PIP5K1A: variants seen among roughly 807,000 people sequenced by gnomAD.
PIP5K1A encodes the protein phosphatidylinositol 4-phosphate 5-kinase type-1 alpha.
Under a neutral mutation model 72.9 loss-of-function variants are expected in PIP5K1A, and 46 were observed. The ratio of observed to expected loss-of-function variants is 0.63; its 90% CI spans 0.50 to 0.81. The LOEUF is 0.81. Ranked by LOEUF, PIP5K1A falls within the 30% of genes least tolerant of loss-of-function variation. The pLI, the probability that PIP5K1A is intolerant of heterozygous loss-of-function variation, is 0.00. For synonymous variants in PIP5K1A, 228 were observed against 255.1 expected (o/e 0.89, Z 1.01); for missense variants, 458 against 706.1 (o/e 0.65, Z 3.98).
chr1:151,232,411 A>G, intron 6 of PIP5K1A, 46 bp downstream of exon 6: 1 of 1,505,260 alleles, frequency 6.6e-7, no homozygotes, highest in Non-Finnish European at 9.3e-7. Context: ...TATCAGAGGG[A>G]TATTCCCAAA....
At chr1:151,212,122 A>G (rs1254230979) in intron 1 of PIP5K1A, among the ~76,000 whole-genome samples, 1 of 152,098 alleles carries the variant, frequency 6.6e-6, no homozygotes, top group East Asian at 1.9e-4. Flanking sequence ...AAAAAAAAAA[A>G]AAGATTTTGT....
At chr1:151,210,821 A>G (rs893867868) in intron 1 of PIP5K1A, among the ~76,000 whole-genome samples, 11 of 152,050 alleles carry the variant, frequency 7.2e-5, no homozygotes, top group African/African-American at 2.4e-4. Context: ...TCCTGACCTC[A>G]GGTGATCTAC....
chr1:151,199,125 C>T (rs762201943), intron 1 of PIP5K1A, 44 bp downstream of exon 1: 158 of 1,612,916 alleles, frequency 9.8e-5, no homozygotes, highest in Non-Finnish European at 1.3e-4. Context: ...GAGGAATATG[C>T]GATGGGAGGA....
At chr1:151,234,888 G>A (rs991175349) in intron 8 of PIP5K1A, among the ~76,000 whole-genome samples, 1 of 152,058 alleles carries the variant, frequency 6.6e-6, no homozygotes, top group African/African-American at 2.4e-5. Flanking sequence ...ACCCCACTTG[G>A]GCTTTCAATA....
chr1:151,246,510 T>C (rs587691483), intron 14 of PIP5K1A, among the ~76,000 whole-genome samples: 1 of 152,242 alleles, frequency 6.6e-6, no homozygotes, highest in Admixed American at 6.5e-5. Flanking sequence ...GAAGATACAG[T>C]ATTTTTGTAA....
chr1:151,205,889 C>A (rs772922956), intron 1 of PIP5K1A, among the ~76,000 whole-genome samples: 1 of 152,060 alleles, frequency 6.6e-6, no homozygotes, highest in Admixed American at 6.6e-5. Context: ...AAGTGTACTT[C>A]AAGAATATAC....
At position 151,232,657 on chromosome 1, in the gene PIP5K1A, A is replaced by G; in HGVS notation, c.593A>G (p.His198Arg). 1.2e-6 allele frequency: 2 copies of G among 1,613,916 alleles called. No individual in the cohort carries two copies. Among genetic ancestry groups the G allele is most frequent in the Non-Finnish European group, 8.5e-7 (1 of 1,179,910 alleles). Residue 198 changes from histidine to arginine, a missense_variant, in exon 7 of 16, where the codon CAT (histidine) becomes CGT (arginine). Coordinates refer to ENST00000368888, the MANE Select transcript of PIP5K1A (RefSeq NM_001135638.2). ...GAGTTCATTATTAAGACAGTCCAAC[A>G]TAAAGAGGCGGAATTTCTGCAGAAG... The part of the protein sequence containing the change: ...DDEFIIKTVQ[H>R]KEAEFLQKLL...
At chr1:151,213,540 T>C (rs1279450712) in intron 1 of PIP5K1A, 2 of 152,210 alleles carry the variant, frequency 1.3e-5, no homozygotes, top group African/African-American at 4.8e-5. Context: ...TTATATGTGC[T>C]GATACAGGTA....
At chr1:151,198,207 T>C, upstream of PIP5K1A, 1 of 422,144 alleles carries the variant, frequency 2.4e-6, no homozygotes, top group Admixed American at 2.9e-5. Context: ...GTATTAAATG[T>C]TTTGTGATAT....
intron 1 of PIP5K1A, among the ~76,000 whole-genome samples, chr1:151,211,979 G>T (rs1686884867): frequency 6.6e-6 from 1 of 151,888 alleles, no homozygotes; most frequent in Non-Finnish European, 1.5e-5. Context: ...GGGTGTGGTG[G>T]CAGGTGCCTG....
At chr1:151,232,437 T>C (rs1690232874) in intron 6 of PIP5K1A, 72 bp downstream of exon 6, 1 of 1,492,906 alleles carries the variant, frequency 6.7e-7, no homozygotes, top group Non-Finnish European at 9.3e-7. Flanking sequence ...GCCCCTTTTC[T>C]CCACAGTCTC....
At chr1:151,216,046 A>G (rs761534592) in intron 1 of PIP5K1A, 3 of 989,758 alleles carry the variant, frequency 3.0e-6, no homozygotes, top group Non-Finnish European at 4.3e-6. Context: ...AGCTCCTTAC[A>G]GTAACTAGCA....
At chr1:151,242,299 A>AT (rs1691857317) in intron 13 of PIP5K1A, 30 bp downstream of exon 13, 1 of 1,611,840 alleles carries the variant, frequency 6.2e-7, no homozygotes, top group African/African-American at 1.3e-5. Flanking sequence ...TCCCCATGTG[A>AT]TTGGGTACTC....
chr1:151,240,351 A>C (rs1482930613), intron 12 of PIP5K1A: 5 of 342,958 alleles, frequency 1.5e-5, no homozygotes, highest in Non-Finnish European at 2.7e-5. Context: ...CCACAGAGAT[A>C]GGCAGAGCCT....
intron 12 of PIP5K1A, among the ~76,000 whole-genome samples, chr1:151,240,757 G>A (rs1312788716): frequency 1.3e-5 from 2 of 152,054 alleles, no homozygotes; most frequent in African/African-American, 2.4e-5. Flanking sequence ...ATGAGACCTT[G>A]TCTCTACAAC....
At chr1:151,241,448 G>A (rs1437766369) in intron 12 of PIP5K1A, among the ~76,000 whole-genome samples, 1 of 151,056 alleles carries the variant, frequency 6.6e-6, no homozygotes, top group Non-Finnish European at 1.5e-5. Flanking sequence ...AGCTTGCAGT[G>A]AGCCAAGATG....
chr1:151,220,415 C>T (rs923773919), intron 1 of PIP5K1A, among the ~76,000 whole-genome samples: 5 of 151,806 alleles, frequency 3.3e-5, no homozygotes, highest in African/African-American at 1.2e-4. Flanking sequence ...TAAAATTCCT[C>T]AGATGCATGT....
intron 1 of PIP5K1A, among the ~76,000 whole-genome samples, chr1:151,209,690 C>T (rs1686509236): frequency 6.6e-6 from 1 of 151,878 alleles, no homozygotes; most frequent in African/African-American, 2.4e-5. Context: ...CCGCCCACCT[C>T]AGCCTCCCAA....
chr1:151,243,565 A>C (rs1692069543), intron 14 of PIP5K1A, among the ~76,000 whole-genome samples: 1 of 152,228 alleles, frequency 6.6e-6, no homozygotes, highest in African/African-American at 2.4e-5. Context: ...TTCTTTTATC[A>C]GGCCTCAAAG....
Sources: gnomAD v4.1 joint callset for allele counts (sites outside exome capture counted in the v4.1 genomes callset) on GRCh38, gnomAD v4.1.1 for gene constraint, MANE v1.5 for transcripts, NCBI Gene and HGNC (gene_info 2026-07-23, HGNC 2026-07-21) for gene names.